OR2L13: variants seen among roughly 807,000 people sequenced by gnomAD.
OR2L13 encodes olfactory receptor 2L13.
OR2L13 carries 14 observed loss-of-function variants against 15.3 expected under a neutral mutation model. The ratio of observed to expected loss-of-function variants is 0.91; its 90% CI spans 0.60 to 1.43. OR2L13 has a LOEUF of 1.43. OR2L13 is among the 40% of genes most tolerant of loss of function. The pLI is 0.00. For missense variants in OR2L13, 367 were observed against 387.9 expected, an observed-to-expected ratio of 0.95 and a Z score of 0.45; for synonymous variants, 152 against 142.9, an observed-to-expected ratio of 1.06 and a Z score of -0.45.
chr1:248,098,384 T>C (rs1011205095), intron 1 of OR2L13, among the ~76,000 whole-genome samples: 5 of 152,192 alleles, frequency 3.3e-5, no homozygotes, highest in African/African-American at 1.2e-4. Flanking sequence ...TCAGTTTTTA[T>C]TTCTAAAGCA....
chr1:248,010,733 G>T, the OR2L13 span, among the ~76,000 whole-genome samples: 3 of 143,212 alleles, frequency 2.1e-5, no homozygotes, highest in African/African-American at 5.2e-5. Context: ...TTTTATCAGA[G>T]ACTAAGATTG....
At chr1:247,996,616 A>T in the OR2L13 span, among the ~76,000 whole-genome samples, 1 of 152,202 alleles carries the variant, frequency 6.6e-6, no homozygotes, top group Non-Finnish European at 1.5e-5. Flanking sequence ...GCTGACTTAT[A>T]TCCCCCATAT....
chr1:248,020,237 A>G, the OR2L13 span, among the ~76,000 whole-genome samples: 1 of 152,208 alleles, frequency 6.6e-6, no homozygotes, highest in Non-Finnish European at 1.5e-5. Context: ...GCAGTCAGAC[A>G]AGAGAAAGAA....
At chr1:248,057,726 T>A in the OR2L13 span, among the ~76,000 whole-genome samples, 23 of 152,196 alleles carry the variant, frequency 1.5e-4, no homozygotes, top group African/African-American at 5.3e-4. Flanking sequence ...TGGTTAGGTT[T>A]ATTCTTAAGT....
chr1:248,087,166 A>G, the OR2L13 span, among the ~76,000 whole-genome samples: 1 of 152,100 alleles, frequency 6.6e-6, no homozygotes, highest in Admixed American at 6.6e-5. Flanking sequence ...TTGATATAAC[A>G]TGGAGAAATT....
At chr1:247,947,053 T>C in the OR2L13 span, among the ~76,000 whole-genome samples, 1 of 152,328 alleles carries the variant, frequency 6.6e-6, no homozygotes, top group Non-Finnish European at 1.5e-5. Context: ...TGGTTATTGC[T>C]TTTGTTTACC....
the OR2L13 span, chr1:248,083,644 T>C: frequency 2.7e-6 from 4 of 1,469,686 alleles, no homozygotes; most frequent in Non-Finnish European, 3.8e-6. Context: ...CATCTTGACC[T>C]GTGGGCCTCA....
At chr1:248,009,270 C>T in the OR2L13 span, among the ~76,000 whole-genome samples, 1 of 151,590 alleles carries the variant, frequency 6.6e-6, no homozygotes, top group Non-Finnish European at 1.5e-5. Context: ...CAAAATAGAC[C>T]ACTAGTCAGA....
chr1:248,066,807 C>T, the OR2L13 span, among the ~76,000 whole-genome samples: 1 of 152,188 alleles, frequency 6.6e-6, no homozygotes, highest in African/African-American at 2.4e-5. Context: ...ATCCTCTATG[C>T]ATTCTATAAT....
the OR2L13 span, among the ~76,000 whole-genome samples, chr1:248,010,012 A>G: frequency 3.9e-5 from 6 of 152,162 alleles, no homozygotes; most frequent in Non-Finnish European, 7.4e-5. Flanking sequence ...CACAGAACGT[A>G]TCTCAAAATA....
the OR2L13 span, among the ~76,000 whole-genome samples, chr1:248,005,204 A>G: frequency 3.9e-5 from 6 of 152,216 alleles, no homozygotes; most frequent in African/African-American, 7.2e-5. Context: ...TTCTCAACAC[A>G]AAGAAATAAT....
At chr1:248,031,409 G>C in the OR2L13 span, among the ~76,000 whole-genome samples, 1 of 152,186 alleles carries the variant, frequency 6.6e-6, no homozygotes, top group South Asian at 2.1e-4. Context: ...TAGAAAGAAA[G>C]ACTTTTTCTT....
chr1:248,032,082 A>G, the OR2L13 span, among the ~76,000 whole-genome samples: 143 of 152,282 alleles, frequency 9.4e-4, no homozygotes, highest in Non-Finnish European at 1.5e-3. Flanking sequence ...AATTCAAACT[A>G]TTGCATCAGT....
the OR2L13 span, among the ~76,000 whole-genome samples, chr1:248,026,316 A>T: frequency 6.6e-6 from 1 of 152,142 alleles, no homozygotes; most frequent in East Asian, 1.9e-4. Flanking sequence ...TTCTGCCTTC[A>T]CCACTCCTGA....
At chr1:247,962,797 G>A in the OR2L13 span, among the ~76,000 whole-genome samples, 2 of 151,970 alleles carry the variant, frequency 1.3e-5, no homozygotes, top group Non-Finnish European at 2.9e-5. Context: ...AAGAAATCCA[G>A]GAAAAATACT....
the OR2L13 span, chr1:247,990,192 C>G: frequency 1.7e-6 from 1 of 594,472 alleles, no homozygotes. Flanking sequence ...AAATGCATCC[C>G]CTGCAGATAA....
At chr1:248,003,811 G>A in the OR2L13 span, 1 of 1,613,698 alleles carries the variant, frequency 6.2e-7, no homozygotes, top group Non-Finnish European at 8.5e-7. Flanking sequence ...TCTACCACAT[G>A]AAATCTGCAG....
chr1:248,048,040 A>G, the OR2L13 span, among the ~76,000 whole-genome samples: 2 of 152,254 alleles, frequency 1.3e-5, no homozygotes, highest in East Asian at 3.9e-4. Flanking sequence ...TGTCCCGTGA[A>G]CTTACAGCGT....
chr1:248,076,333 C>T, the OR2L13 span, among the ~76,000 whole-genome samples: 1 of 152,086 alleles, frequency 6.6e-6, no homozygotes, highest in Admixed American at 6.6e-5. Flanking sequence ...AATGTGGGCT[C>T]TTTTTGGTTC....
Sources: allele counts gnomAD v4.1 joint callset (sites outside exome capture counted in the v4.1 genomes callset), GRCh38; gene constraint gnomAD v4.1.1; transcripts MANE v1.5; gene names NCBI Gene and HGNC (gene_info 2026-07-23, HGNC 2026-07-21).